The following C16orf46 variants were observed in gnomAD, a reference collection of about 807,000 sequenced individuals.
C16orf46 encodes the protein chromosome 16 open reading frame 46, also known as uncharacterized protein C16orf46.
Under a neutral mutation model 5.5 loss-of-function variants are expected in C16orf46, and 7 were observed. The ratio of observed to expected loss-of-function variants is 1.28; its 90% CI spans 0.73 to 2.40. The LOEUF (loss-of-function observed/expected upper bound fraction) is 2.40. Ranked by LOEUF, C16orf46 falls within the 30% of genes most tolerant of loss-of-function variation. C16orf46 has a pLI of 0.00. For synonymous variants in C16orf46, 200 were observed against 184.1 expected (o/e 1.09, Z -0.70); for missense variants, 614 against 476.0 (o/e 1.29, Z -2.70).
chr16:81,063,743 C>G lies in C16orf46; in HGVS notation c.210+3G>C. 1 of 1,608,878 alleles carries G rather than the reference C, an allele frequency of 6.2e-7. No individual in the cohort carries two copies. The highest frequency in any genetic ancestry group is 8.5e-7 in the Non-Finnish European group (1 of 1,175,734). On this transcript the variant is annotated splice_donor_region_variant and intron_variant, in intron 3 of 3. Transcript: ENST00000299578. ...AAAAGCTGTGACTCAGAAAGATACT[C>G]ACTGCCTCTTCCCATCCAGTTCCAA...
At chr16:81,055,145 A>G (rs923307217) in intron 3 of C16orf46, among the ~76,000 whole-genome samples, 1 of 152,168 alleles carries the variant, frequency 6.6e-6, no homozygotes, top group Non-Finnish European at 1.5e-5. Flanking sequence ...ATTAAAATAG[A>G]CTCATGAATA....
chr16:81,070,009 C>G (rs1313217689), intron 1 of C16orf46: 1 of 152,026 alleles, frequency 6.6e-6, no homozygotes. Context: ...GCCTACAATC[C>G]CAGCTATTCA....
chr16:81,064,008 G>C lies in C16orf46; in HGVS notation c.-38-15C>G. 7.6e-7 allele frequency: 1 copy of C among 1,323,186 alleles called. No individual in the cohort carries two copies. Among genetic ancestry groups the C allele is most frequent in the Non-Finnish European group, 1.1e-6 (1 of 950,774 alleles). The allele number at this position is 1,323,186 out of a possible 1,614,324, so 82.0% of individuals were successfully genotyped here. A position where few individuals can be genotyped will look rare whatever the true frequency, so the allele number is the denominator to read the frequency against. On this transcript the variant is annotated splice_polypyrimidine_tract_variant and intron_variant, in intron 2 of 3. Coordinates refer to ENST00000299578, the MANE Select transcript of C16orf46 (RefSeq NM_152337.3). ...ACATCTTCTTGCTGTTTAAAAACAT[G>C]AATGGAACTTCGTTTTTAATATTAA...
At chr16:81,059,124 G>A (rs567645432), downstream of C16orf46, among the ~76,000 whole-genome samples, 42 of 151,142 alleles carry the variant, frequency 2.8e-4, 1 homozygote, top group South Asian at 8.2e-3. Context: ...GCGTCATCTC[G>A]GCTCACTGCA....
chr16:81,062,430 T>C (rs368258708), intron 3 of C16orf46, among the ~76,000 whole-genome samples: 64 of 152,348 alleles, frequency 4.2e-4, no homozygotes, highest in African/African-American at 1.5e-3. Flanking sequence ...CAAGAGCATT[T>C]GTTAATACTA....
exon 4 of C16orf46, chr16:81,053,993 C>T: frequency 6.8e-7 from 1 of 1,461,534 alleles, no homozygotes; most frequent in Non-Finnish European, 9.6e-7. Context: ...TTTCCATGTC[C>T]TGGGTGAAAT....
At chr16:81,059,715 C>T (rs1250853870), downstream of C16orf46, among the ~76,000 whole-genome samples, 1 of 151,968 alleles carries the variant, frequency 6.6e-6, no homozygotes, top group Non-Finnish European at 1.5e-5. Context: ...GGTTTCCAAA[C>T]ATTAGATGCA....
chr16:81,074,897 A>T (rs1971976963), intron 1 of C16orf46, among the ~76,000 whole-genome samples: 1 of 152,144 alleles, frequency 6.6e-6, no homozygotes, highest in Non-Finnish European at 1.5e-5. Flanking sequence ...TTTTTGGACC[A>T]TTATTAAACC....
chr16:81,075,200 C>CT (rs1049320266), intron 1 of C16orf46, among the ~76,000 whole-genome samples: 20 of 151,034 alleles, frequency 1.3e-4, no homozygotes, highest in East Asian at 3.9e-4. Context: ...TTTAGATAGT[C>CT]TTTTTTTTTA....
intron 3 of C16orf46, among the ~76,000 whole-genome samples, chr16:81,063,421 G>C (rs1431256978): frequency 2.0e-5 from 3 of 152,088 alleles, no homozygotes; most frequent in Non-Finnish European, 2.9e-5. Context: ...TCTCGAGCAT[G>C]TAACTTTATC....
At position 81,054,029 on chromosome 16, in the gene C16orf46, C is replaced by G. The variant is rs767465608; in HGVS notation, c.*42G>C. 5.7e-6 allele frequency: 9 copies of G among 1,586,526 alleles called. No individual in the cohort carries two copies. The South Asian group carries it at 8.8e-5, about 16-fold the overall frequency. Reference sequence around the variant, plus strand: ...ATTTGCTTTTATGATTACATCTCAACCGTGTTGCTGCTTAGGACTGAATGT... The same window carrying G: ...ATTTGCTTTTATGATTACATCTCAAGCGTGTTGCTGCTTAGGACTGAATGT... On this transcript the variant is annotated 3_prime_UTR_variant, in exon 4 of 4. Coordinates refer to the C16orf46 transcript ENST00000378611.
Position 81,061,166 on chromosome 16 carries a change from G to T in C16orf46, c.1183C>A (p.Leu395Ile), listed in dbSNP as rs1567572720. The T allele has an allele frequency of 6.2e-7, 1 of 1,603,952 alleles. No individual in the cohort carries two copies. The highest frequency in any genetic ancestry group is 8.5e-7 in the Non-Finnish European group (1 of 1,174,178). The stretch of plus-strand genomic sequence containing the variant: ...AGGGGTTCTACCGCAACCGCTCAGA[G>T]GATCCTGTGGGTAGAGACAGGAATG... ...VIIPVSTHRIL is the reference protein window; with the variant it reads ...VIIPVSTHRII The change falls in exon 4 of 4, where the codon CTC (leucine) becomes ATC (isoleucine). Residue 395 changes from leucine to isoleucine, a missense_variant. Coordinates refer to ENST00000299578, the MANE Select transcript of C16orf46 (RefSeq NM_152337.3).
intron 3 of C16orf46, among the ~76,000 whole-genome samples, chr16:81,062,394 TA>T (rs1321484463): frequency 6.6e-6 from 1 of 152,236 alleles, no homozygotes; most frequent in Non-Finnish European, 1.5e-5. Context: ...GTATTTGTAA[TA>T]GTATTTGTTA....
At chr16:81,058,643 T>G (rs1171445015), downstream of C16orf46, among the ~76,000 whole-genome samples, 2 of 152,230 alleles carry the variant, frequency 1.3e-5, no homozygotes, top group Non-Finnish European at 1.5e-5. Flanking sequence ...CCATACAATT[T>G]TAAACAGTCA....
intron 3 of C16orf46, among the ~76,000 whole-genome samples, chr16:81,055,100 G>C (rs576776258): frequency 1.3e-5 from 2 of 152,186 alleles, no homozygotes; most frequent in Non-Finnish European, 2.9e-5. Flanking sequence ...ATTTAGAGAA[G>C]TCAGTCATGA....
At chr16:81,064,102 G>A (rs565906600) in intron 2 of C16orf46, 109 bp from the exon 3 acceptor site, 30 of 605,556 alleles carry the variant, frequency 5.0e-5, no homozygotes, top group East Asian at 2.1e-4. Flanking sequence ...GAATATGGCC[G>A]GCCGCGGTGG....
chr16:81,070,904 G>A (rs1971827498), intron 1 of C16orf46, among the ~76,000 whole-genome samples: 1 of 152,086 alleles, frequency 6.6e-6, no homozygotes, highest in African/African-American at 2.4e-5. Flanking sequence ...GACTCAACTG[G>A]TTTATCAGCC....
In C16orf46 at chr16:81,062,064, C is replaced by T. The variant is rs940810823; in HGVS notation, c.285G>A (p.Gly95=). The T allele has an allele frequency of 4.3e-6, 7 of 1,612,182 alleles. No individual in the cohort carries two copies. Among genetic ancestry groups the T allele is most frequent in the African/African-American group, 1.3e-5 (1 of 74,896 alleles). ...PRKIPKKARV[G]EGACSDCLVC... is the part of the protein sequence containing the mutation. Reference sequence around the variant, plus strand: ...CCAAGCAGTCGCTGCAGGCACCTTCCCCTACCCTCGCCTTTTTTGGTATCT... The same window carrying T: ...CCAAGCAGTCGCTGCAGGCACCTTCTCCTACCCTCGCCTTTTTTGGTATCT... Residue 95 remains glycine, a synonymous_variant, in exon 4 of 4, where the codon GGG becomes GGA. Coordinates refer to ENST00000299578, the MANE Select transcript of C16orf46 (RefSeq NM_152337.3).
downstream of C16orf46, among the ~76,000 whole-genome samples, chr16:81,057,260 G>C (rs117105192): frequency 6.6e-6 from 1 of 151,994 alleles, no homozygotes; most frequent in African/African-American, 2.4e-5. Flanking sequence ...TGTTTAGAAC[G>C]TATTGGGGCA....
Sources: allele counts gnomAD v4.1 joint callset (sites outside exome capture counted in the v4.1 genomes callset), GRCh38; gene constraint gnomAD v4.1.1; transcripts MANE v1.5; gene names NCBI Gene and HGNC (gene_info 2026-07-23, HGNC 2026-07-21).